The following XIRP2 variants were observed in gnomAD, a reference collection of about 807,000 sequenced individuals.
XIRP2 encodes the protein xin actin binding repeat containing 2.
Under a neutral mutation model 277.0 loss-of-function variants are expected in XIRP2, and 236 were observed. That is an observed-to-expected ratio of 0.85 (90% CI 0.77 to 0.95). XIRP2 has a LOEUF of 0.95. Among genes scored for constraint, XIRP2 ranks in the 40% least tolerant of loss-of-function variants. The pLI, the probability that XIRP2 is intolerant of heterozygous loss-of-function variation, is 0.00. For synonymous variants in XIRP2, 1,490 were observed against 1,416.5 expected (o/e 1.05, Z -1.17); for missense variants, 4,640 against 4,157.5 (o/e 1.12, Z -3.19).
Position 167,136,062 on chromosome 2 carries a change from G to A in XIRP2, c.562G>A (p.Ala188Thr). The change falls in exon 3 of 11, where the codon GCG becomes ACG. Residue 188 changes from alanine (A) to threonine (T), a missense_variant and splice_region_variant. Ala to Thr is a moderately conservative substitution (Grantham distance 58). Coordinates refer to ENST00000409195, the MANE Select transcript of XIRP2 (RefSeq NM_152381.6). ...AAGTGGTCACAGCCGCATCTTTGAA[G>A]GTTAGCATAACATTTTGATATGCTT... ...PESGHSRIFE[A>T]TAGPNKPESG... The A allele has an allele frequency of 6.3e-7, 1 of 1,594,284 alleles. No homozygotes were observed. Among genetic ancestry groups the A allele is most frequent in the South Asian group, 1.1e-5 (1 of 87,838 alleles).
intron 2 of XIRP2, among the ~76,000 whole-genome samples, chr2:166,939,982 G>C (rs1685655306): frequency 2.0e-5 from 3 of 151,938 alleles, no homozygotes; most frequent in African/African-American, 7.3e-5. Flanking sequence ...TCCTGAATTT[G>C]AATGTTGGTC....
At chr2:166,944,881 A>C (rs1685811520) in intron 2 of XIRP2, among the ~76,000 whole-genome samples, 1 of 152,186 alleles carries the variant, frequency 6.6e-6, no homozygotes, top group Non-Finnish European at 1.5e-5. Context: ...TTGGCTATAG[A>C]GATCATGTAC....
chr2:167,096,117 G>A (rs898705385), intron 2 of XIRP2, among the ~76,000 whole-genome samples: 1 of 151,686 alleles, frequency 6.6e-6, no homozygotes, highest in African/African-American at 2.4e-5. Context: ...GGTTTCAGAA[G>A]GAATGGTGCC....
chr2:166,958,131 C>T (rs768390318), intron 2 of XIRP2, among the ~76,000 whole-genome samples: 2 of 151,848 alleles, frequency 1.3e-5, no homozygotes, highest in African/African-American at 2.4e-5. Context: ...TAAGATGATG[C>T]TGAATTTTAG....
intron 2 of XIRP2, among the ~76,000 whole-genome samples, chr2:166,941,290 G>A (rs567009538): frequency 1.7e-4 from 26 of 152,278 alleles, no homozygotes; most frequent in South Asian, 8.3e-4. Context: ...TAAGACCATC[G>A]GAAAAGCACG....
intron 2 of XIRP2, among the ~76,000 whole-genome samples, chr2:166,919,990 C>A (rs1049828546): frequency 1.3e-5 from 2 of 152,100 alleles, no homozygotes; most frequent in Non-Finnish European, 2.9e-5. Context: ...CAGGTCTGCC[C>A]TTTAGTTTAT....
Position 167,249,883 on chromosome 2 carries a change from A to G in XIRP2, c.8491A>G (p.Lys2831Glu). ...TCAGGGACCATCAATGATTGGTCGA[A>G]AAGAAGAGAGATTAATAACTGAAAG... ...KNQGPSMIGRKEERLITERKH... is the reference protein window; with the variant it reads ...KNQGPSMIGREEERLITERKH... The change falls in exon 9 of 11, where the codon AAA becomes GAA. Residue 2831 changes from lysine (K) to glutamate (E), a missense_variant. Lys to Glu is a moderately conservative substitution (Grantham distance 56). Coordinates refer to ENST00000409195, the MANE Select transcript of XIRP2 (RefSeq NM_152381.6). The G allele has an allele frequency of 6.2e-7, 1 of 1,613,586 alleles. No individual in the cohort carries two copies. Among genetic ancestry groups the G allele is most frequent in the South Asian group, 1.1e-5 (1 of 91,068 alleles).
intron 2 of XIRP2, among the ~76,000 whole-genome samples, chr2:166,917,510 T>A (rs1684921358): frequency 6.6e-6 from 1 of 152,182 alleles, no homozygotes; most frequent in Admixed American, 6.5e-5. Flanking sequence ...AAGAAATAGC[T>A]GGCAAAACTC....
At chr2:166,918,946 C>T (rs1452063987) in intron 2 of XIRP2, among the ~76,000 whole-genome samples, 1 of 152,052 alleles carries the variant, frequency 6.6e-6, no homozygotes, top group African/African-American at 2.4e-5. Flanking sequence ...TAAGTCCTTT[C>T]TCTGAACTTA....
chr2:167,040,425 G>T (rs1688631512), intron 2 of XIRP2, among the ~76,000 whole-genome samples: 2 of 152,038 alleles, frequency 1.3e-5, no homozygotes, highest in African/African-American at 4.8e-5. Context: ...GAGTGAAATA[G>T]GCAGGAAGTG....
intron 2 of XIRP2, among the ~76,000 whole-genome samples, chr2:166,949,343 T>A (rs781691194): frequency 2.0e-5 from 3 of 152,082 alleles, no homozygotes; most frequent in Non-Finnish European, 2.9e-5. Flanking sequence ...AATTTCCTAA[T>A]TCTTAAAATG....
At chr2:166,908,589 T>C (rs1175561274) in intron 2 of XIRP2, among the ~76,000 whole-genome samples, 1 of 152,176 alleles carries the variant, frequency 6.6e-6, no homozygotes, top group Non-Finnish European at 1.5e-5. Context: ...GATGGTAGTT[T>C]CTTTTGCTGT....
intron 5 of XIRP2, among the ~76,000 whole-genome samples, chr2:167,219,612 G>C (rs1055058968): frequency 2.0e-5 from 3 of 152,128 alleles, no homozygotes; most frequent in African/African-American, 7.2e-5. Context: ...ACAGGGTCCT[G>C]TACTCCAGGC....
At chr2:166,959,351 A>G (rs1389462370) in intron 2 of XIRP2, among the ~76,000 whole-genome samples, 2 of 151,828 alleles carry the variant, frequency 1.3e-5, no homozygotes, top group Admixed American at 1.3e-4. Flanking sequence ...ATTTTTGTGC[A>G]TTTGGATTGT....
Position 167,244,175 on chromosome 2 carries a change from A to G in XIRP2, c.2783A>G (p.Lys928Arg). 3 of 1,613,726 alleles carry G rather than the reference A, an allele frequency of 1.9e-6. No individual in the cohort carries two copies. In the South Asian group the frequency reaches 3.3e-5, roughly 18 times the overall value. Residue 928 changes from lysine (K) to arginine (R), a missense_variant, in exon 9 of 11, where the codon AAA (lysine) becomes AGA (arginine). Coordinates refer to ENST00000409195, the MANE Select transcript of XIRP2 (RefSeq NM_152381.6). ...TQPLEDIRKDKKEYTRTVKLE... is the reference protein window; with the variant it reads ...TQPLEDIRKDRKEYTRTVKLE... ...CCTCTGGAAGACATTAGAAAAGATAAAAAGGAGTACACACGAACAGTGAAA... is the reference window on the plus strand; with the variant it reads ...CCTCTGGAAGACATTAGAAAAGATAGAAAGGAGTACACACGAACAGTGAAA...
rs1170628652 is a variant in XIRP2, at chr2:167,249,447, A to G, written c.8055A>G (p.Gln2685=). ...IKQSHQECST[Q]QTQQKKYLEQ... ...AAAGTCACCAAGAATGTAGTACCCA[A>G]CAAACACAACAGAAGAAGTATTTGG... Residue 2685 remains glutamine, a synonymous_variant, in exon 9 of 11, where the codon CAA becomes CAG. Coordinates refer to ENST00000409195, the MANE Select transcript of XIRP2 (RefSeq NM_152381.6). 1 of 1,613,876 alleles carries G rather than the reference A, an allele frequency of 6.2e-7. No homozygotes were observed. Among genetic ancestry groups the G allele is most frequent in the East Asian group, 2.2e-5 (1 of 44,844 alleles).
At chr2:167,211,519 G>T (rs140560715) in intron 4 of XIRP2, among the ~76,000 whole-genome samples, 1 of 152,190 alleles carries the variant, frequency 6.6e-6, no homozygotes, top group Non-Finnish European at 1.5e-5. Flanking sequence ...GCCATAAGGC[G>T]CTGTATAAAT....
At chr2:167,139,453 G>T (rs1302200108) in intron 3 of XIRP2, among the ~76,000 whole-genome samples, 1 of 151,880 alleles carries the variant, frequency 6.6e-6, no homozygotes, top group Non-Finnish European at 1.5e-5. Context: ...CTTTTTCCAG[G>T]CTTTTGCAAT....
At chr2:167,208,587 T>A (rs913907250) in intron 3 of XIRP2, among the ~76,000 whole-genome samples, 1 of 152,068 alleles carries the variant, frequency 6.6e-6, no homozygotes, top group African/African-American at 2.4e-5. Flanking sequence ...GGATTACAGG[T>A]GTGAGCCACC....
Sources: gnomAD v4.1 joint callset for allele counts (sites outside exome capture counted in the v4.1 genomes callset) on GRCh38, gnomAD v4.1.1 for gene constraint, MANE v1.5 for transcripts, NCBI Gene and HGNC (gene_info 2026-07-23, HGNC 2026-07-21) for gene names.